OR7E24: variants seen among roughly 807,000 people sequenced by gnomAD.
OR7E24 encodes the protein olfactory receptor family 7 subfamily E member 24.
For synonymous variants in OR7E24, 130 were observed against 157.5 expected (o/e 0.83, Z 1.31); for missense variants, 385 against 410.3 (o/e 0.94, Z 0.53).
chr19:9,251,540 CT>C lies in OR7E24; in HGVS notation c.492del (p.Phe164LeufsTer12), dbSNP rs1031417078. On this transcript the variant is annotated frameshift_variant, in exon 2 of 2. Transcript: ENST00000641946. LOFTEE classifies it low-confidence loss of function (END_TRUNC). ...CTCTGTGGCTTCTTAATCTTGTTGT[CT>C]TTTTTTATTAGTCTTTTGGACTCCC... 1.2e-6 allele frequency: 2 copies of C among 1,613,940 alleles called. No homozygotes were observed. Among genetic ancestry groups the C allele is most frequent in the East Asian group, 2.2e-5 (1 of 44,892 alleles).
At chr19:9,211,550 G>C in the OR7E24 span, 1 of 152,094 alleles carries the variant, frequency 6.6e-6, no homozygotes, top group African/African-American at 2.4e-5. Flanking sequence ...TGAACTTCAA[G>C]AATGAAAGTA....
the OR7E24 span, among the ~76,000 whole-genome samples, chr19:9,238,060 T>A: frequency 6.6e-6 from 1 of 152,164 alleles, no homozygotes; most frequent in African/African-American, 2.4e-5. Context: ...GTGGATCACT[T>A]GAGGCCAGGA....
the OR7E24 span, chr19:9,214,471 A>G: frequency 6.2e-7 from 1 of 1,614,024 alleles, no homozygotes; most frequent in African/African-American, 1.3e-5. Flanking sequence ...ATGGCCACAA[A>G]CCGGTCATAG....
At chr19:9,247,898 G>A (rs780181260), upstream of OR7E24, among the ~76,000 whole-genome samples, 11 of 152,068 alleles carry the variant, frequency 7.2e-5, no homozygotes, top group Non-Finnish European at 1.2e-4. Context: ...TTGGCTGTTT[G>A]TATATGTTCT....
At chr19:9,239,926 C>G in the OR7E24 span, among the ~76,000 whole-genome samples, 2 of 151,882 alleles carry the variant, frequency 1.3e-5, no homozygotes, top group African/African-American at 4.8e-5. Context: ...TCAGGCTGGT[C>G]TCGAACTGAC....
chr19:9,246,465 AT>A (rs1555720676), upstream of OR7E24, among the ~76,000 whole-genome samples: 12,629 of 97,894 alleles, frequency 0.13, 1,164 homozygotes, highest in African/African-American at 0.31. Context: ...CCTTAAAGGT[AT>A]TGTGTGTGTG....
the OR7E24 span, chr19:9,207,076 G>A: frequency 6.6e-6 from 1 of 152,160 alleles, no homozygotes; most frequent in African/African-American, 2.4e-5. Context: ...TTCTTCAACT[G>A]TCTTCTTCAA....
the OR7E24 span, among the ~76,000 whole-genome samples, chr19:9,218,685 G>A: frequency 6.6e-5 from 10 of 152,034 alleles, no homozygotes; most frequent in African/African-American, 1.4e-4. Flanking sequence ...GCTGGAGTGC[G>A]GGGTGCAGTC....
upstream of OR7E24, among the ~76,000 whole-genome samples, chr19:9,247,806 T>A (rs1326422235): frequency 6.6e-6 from 1 of 152,206 alleles, no homozygotes; most frequent in Non-Finnish European, 1.5e-5. Context: ...TTAATAGCCA[T>A]CCTATTGGGT....
chr19:9,214,780 C>T, the OR7E24 span: 1 of 1,613,718 alleles, frequency 6.2e-7, no homozygotes, highest in African/African-American at 1.3e-5. Context: ...AGTTCAGGAT[C>T]ATCTGAGAGT....
chr19:9,206,583 A>G, the OR7E24 span: 1 of 152,122 alleles, frequency 6.6e-6, no homozygotes, highest in South Asian at 2.1e-4. Flanking sequence ...GGAAACTGCA[A>G]CCTTAAGGAA....
At chr19:9,235,069 G>A in the OR7E24 span, 1 of 595,114 alleles carries the variant, frequency 1.7e-6, no homozygotes, top group East Asian at 2.8e-5. Flanking sequence ...CTCCATAGAA[G>A]TTGCATCCAA....
chr19:9,235,623 T>G, the OR7E24 span: 1 of 1,575,722 alleles, frequency 6.3e-7, no homozygotes, highest in South Asian at 1.1e-5. Flanking sequence ...TGGTTCATAT[T>G]CTACTGATGA....
At chr19:9,221,620 G>A in the OR7E24 span, among the ~76,000 whole-genome samples, 2 of 151,952 alleles carry the variant, frequency 1.3e-5, no homozygotes, top group East Asian at 3.9e-4. Context: ...CAAAGTGCTG[G>A]GATTACAGGC....
chr19:9,214,664 G>A, the OR7E24 span: 1 of 1,614,134 alleles, frequency 6.2e-7, no homozygotes, highest in Non-Finnish European at 8.5e-7. Flanking sequence ...AGAAGTACAT[G>A]GGGGTGTGGA....
chr19:9,249,113 G>T (rs2066138238), upstream of OR7E24, among the ~76,000 whole-genome samples: 1 of 152,158 alleles, frequency 6.6e-6, no homozygotes, highest in Non-Finnish European at 1.5e-5. Flanking sequence ...ATATTCCAAG[G>T]TTAATCTCCA....
the OR7E24 span, among the ~76,000 whole-genome samples, chr19:9,227,612 T>C: frequency 6.6e-6 from 1 of 152,168 alleles, no homozygotes; most frequent in East Asian, 1.9e-4. Context: ...CTGATGGACA[T>C]TTAGGTTGGT....
At chr19:9,234,122 T>G in the OR7E24 span, among the ~76,000 whole-genome samples, 1 of 152,146 alleles carries the variant, frequency 6.6e-6, no homozygotes. Context: ...CAGGCTGGTC[T>G]CGAACTCCTG....
the OR7E24 span, chr19:9,211,097 TGG>T: frequency 6.6e-6 from 1 of 152,318 alleles, no homozygotes; most frequent in African/African-American, 2.4e-5. Context: ...AGGATAGGCC[TGG>T]CCTCTGTTGC....
Sources: gnomAD v4.1 joint callset for allele counts (sites outside exome capture counted in the v4.1 genomes callset) on GRCh38, gnomAD v4.1.1 for gene constraint, MANE v1.5 for transcripts, NCBI Gene and HGNC (gene_info 2026-07-23, HGNC 2026-07-21) for gene names.